The following PIK3C2G variants were observed in gnomAD, a reference collection of about 807,000 sequenced individuals.
PIK3C2G encodes phosphatidylinositol-4-phosphate 3-kinase catalytic subunit type 2 gamma, also known as phosphatidylinositol 3-kinase C2 domain-containing subunit gamma.
A neutral mutation model predicts 181.1 loss-of-function variants in PIK3C2G; 168 were observed. The observed-to-expected ratio is 0.93, with a 90% CI of 0.82 to 1.05. The LOEUF is 1.05. Ranked by LOEUF, PIK3C2G falls within the 50% of genes least tolerant of loss-of-function variation. The pLI, the probability that PIK3C2G is intolerant of heterozygous loss-of-function variation, is 0.00. For missense variants in PIK3C2G, 1,869 were observed against 1,732.8 expected (o/e 1.08, Z -1.40); for synonymous variants, 573 against 592.2 (o/e 0.97, Z 0.47).
At chr12:18,460,069 T>C (rs1325786789) in intron 18 of PIK3C2G, among the ~76,000 whole-genome samples, 1 of 152,142 alleles carries the variant, frequency 6.6e-6, no homozygotes, top group Non-Finnish European at 1.5e-5. Flanking sequence ...CCAGCCCTTC[T>C]TTTTTCTTAA....
At chr12:18,321,516 T>G (rs1342627651) in intron 7 of PIK3C2G, among the ~76,000 whole-genome samples, 1 of 152,216 alleles carries the variant, frequency 6.6e-6, no homozygotes, top group Non-Finnish European at 1.5e-5. Flanking sequence ...AATGTATGCA[T>G]GTATTATTTG....
chr12:18,685,844 G>GCACACACACA, the PIK3C2G span, among the ~76,000 whole-genome samples: 1 of 48,212 alleles, frequency 2.1e-5, no homozygotes, highest in East Asian at 9.2e-4. Context: ...ACACACACAC[G>GCACACACACA]CGCACACACA....
At chr12:18,645,173 T>C (rs10743276) in intron 32 of PIK3C2G, among the ~76,000 whole-genome samples, 44,446 of 152,004 alleles carry the variant, frequency 0.29, 7,934 homozygotes, top group South Asian at 0.5. Flanking sequence ...CCATTTTTTT[T>C]TGTTCTGAGT....
the PIK3C2G span, among the ~76,000 whole-genome samples, chr12:18,670,278 A>T: frequency 6.6e-6 from 1 of 151,926 alleles, no homozygotes; most frequent in African/African-American, 2.4e-5. Flanking sequence ...CAATTACAGA[A>T]ATTACACACA....
chr12:18,433,991 C>T (rs1339766613), intron 18 of PIK3C2G, among the ~76,000 whole-genome samples: 2 of 152,164 alleles, frequency 1.3e-5, no homozygotes, highest in Non-Finnish European at 2.9e-5. Flanking sequence ...TCCCTATCCT[C>T]ATCCATTGGT....
intron 18 of PIK3C2G, among the ~76,000 whole-genome samples, chr12:18,440,714 G>C (rs977335212): frequency 1.3e-5 from 2 of 152,004 alleles, no homozygotes; most frequent in African/African-American, 4.8e-5. Flanking sequence ...AGGTTACAGG[G>C]GGAAAGAGTA....
chr12:18,679,688 T>C, the PIK3C2G span, among the ~76,000 whole-genome samples: 2 of 152,008 alleles, frequency 1.3e-5, no homozygotes, highest in Admixed American at 6.6e-5. Context: ...TGGCTAACGT[T>C]GCAGATATTG....
chr12:18,701,993 A>G, the PIK3C2G span, among the ~76,000 whole-genome samples: 140 of 152,294 alleles, frequency 9.2e-4, no homozygotes, highest in African/African-American at 3.2e-3. Context: ...TAAGCCTGTT[A>G]TGATTGAGAC....
intron 24 of PIK3C2G, among the ~76,000 whole-genome samples, chr12:18,525,888 CAT>C (rs1386739159): frequency 2.0e-5 from 3 of 152,144 alleles, no homozygotes; most frequent in Non-Finnish European, 4.4e-5. Context: ...ATCAAAATAT[CAT>C]ATATCAGTCT....
chr12:18,683,650 T>A, the PIK3C2G span: 24 of 1,342,046 alleles, frequency 1.8e-5, no homozygotes, highest in South Asian at 2.7e-4. Flanking sequence ...AAAGTAAGCA[T>A]ATTGAGACAA....
At position 18,316,355 on chromosome 12, in the gene PIK3C2G, GT is replaced by G. The variant is rs1376999143; in HGVS notation, c.1137+2292del. Among the ~76,000 whole-genome samples the G allele has an allele frequency of 2.0e-5, 3 of 152,168 alleles. No homozygotes were observed. In the East Asian group the frequency reaches 5.8e-4, roughly 29 times the overall value. ...AAAAAGGTGAGATAATCATATTGCT[GT>G]CATCACCGTTGTTGTCATGTCCAGG... On this transcript the variant is annotated intron_variant, in intron 6 of 32. Transcript: ENST00000538779.
intron 5 of PIK3C2G, among the ~76,000 whole-genome samples, chr12:18,301,703 T>C (rs886196720): frequency 1.3e-5 from 2 of 152,202 alleles, no homozygotes; most frequent in Non-Finnish European, 2.9e-5. Context: ...TTATCTCATA[T>C]ATTTTCTTTT....
chr12:18,696,092 TA>T, the PIK3C2G span: 1 of 967,478 alleles, frequency 1.0e-6, no homozygotes. Context: ...CATACATTCA[TA>T]AAATGAATTC....
chr12:18,646,775 C>G (rs1313870860), intron 32 of PIK3C2G, among the ~76,000 whole-genome samples: 1 of 152,112 alleles, frequency 6.6e-6, no homozygotes, highest in East Asian at 1.9e-4. Context: ...CCACTCAGCT[C>G]TCTCCTCCTT....
At chr12:18,270,261 A>C (rs1948693316) in intron 1 of PIK3C2G, among the ~76,000 whole-genome samples, 2 of 152,150 alleles carry the variant, frequency 1.3e-5, no homozygotes, top group South Asian at 4.1e-4. Context: ...GGCAGTTATT[A>C]ATATCTCTAT....
chr12:18,673,627 A>G, the PIK3C2G span, among the ~76,000 whole-genome samples: 8 of 152,218 alleles, frequency 5.3e-5, no homozygotes, highest in Non-Finnish European at 1.0e-4. Context: ...AAGAATACGC[A>G]TTAATTATCT....
chr12:18,612,893 A>C (rs1948414276), intron 31 of PIK3C2G, among the ~76,000 whole-genome samples: 1 of 152,114 alleles, frequency 6.6e-6, no homozygotes. Context: ...CTGTGAGATC[A>C]CAAACTAAAA....
chr12:18,260,905 A>C (rs1015103780), upstream of PIK3C2G, among the ~76,000 whole-genome samples: 1 of 151,984 alleles, frequency 6.6e-6, no homozygotes, highest in Admixed American at 6.6e-5. Context: ...TAAACCACCC[A>C]CATCTACTTG....
chr12:18,359,940 A>G (rs1941084370), intron 11 of PIK3C2G, among the ~76,000 whole-genome samples: 1 of 151,878 alleles, frequency 6.6e-6, no homozygotes, highest in Non-Finnish European at 1.5e-5. Flanking sequence ...ATGTCTTTTG[A>G]TTGGGGAATT....
Sources: gnomAD v4.1 joint callset for allele counts (sites outside exome capture counted in the v4.1 genomes callset) on GRCh38, gnomAD v4.1.1 for gene constraint, MANE v1.5 for transcripts, NCBI Gene and HGNC (gene_info 2026-07-23, HGNC 2026-07-21) for gene names.